POLN: variants seen among roughly 807,000 people sequenced by gnomAD.
POLN encodes the protein DNA polymerase nu.
In POLN, 108 loss-of-function variants were observed where a neutral mutation model predicts 113.5. The ratio of observed to expected loss-of-function variants is 0.95; its 90% confidence interval spans 0.81 to 1.12. The LOEUF is 1.12. Among genes scored for constraint, POLN ranks in the 50% most tolerant of loss-of-function variants. The pLI is 0.00. For synonymous variants in POLN, 386 were observed against 391.5 expected (o/e 0.99, Z 0.17); for missense variants, 1,097 against 1,077.1 (o/e 1.02, Z -0.26).
At chr4:2,085,796 G>A in intron 20 of POLN, 52 bp from the exon 21 acceptor site, 1 of 1,606,060 alleles carries the variant, frequency 6.2e-7, no homozygotes, top group Non-Finnish European at 8.5e-7. Flanking sequence ...AGCCGTGACT[G>A]TGTGCATGGG....
At chr4:2,090,497 T>A in intron 20 of POLN, 1 of 523,044 alleles carries the variant, frequency 1.9e-6, no homozygotes, top group Non-Finnish European at 3.6e-6. Flanking sequence ...TGTGAATAAA[T>A]AAACTGAGCA....
At chr4:2,240,223 C>A in intron 2 of POLN, 1 of 1,613,834 alleles carries the variant, frequency 6.2e-7, no homozygotes, top group Non-Finnish European at 8.5e-7. Flanking sequence ...GTCTGTATAT[C>A]TAAAAGTTGA....
At chr4:2,154,176 C>T (rs1185006991) in intron 16 of POLN, among the ~76,000 whole-genome samples, 19 of 108,234 alleles carry the variant, frequency 1.8e-4, no homozygotes, top group African/African-American at 6.5e-4. Flanking sequence ...CCAGCCTGGG[C>T]GACAGCGAGA....
At chr4:2,129,143 C>T (rs772858643) in intron 18 of POLN, 36 bp downstream of exon 18, 1 of 1,463,666 alleles carries the variant, frequency 6.8e-7, no homozygotes. Flanking sequence ...CCTTTGAACC[C>T]TATGAAAATG....
chr4:2,232,003 T>C, intron 2 of POLN: 1 of 1,504,072 alleles, frequency 6.6e-7, no homozygotes, highest in East Asian at 2.3e-5. Context: ...ATAATCTTCA[T>C]CTTTTAAAAA....
At chr4:2,110,638 AAAAG>A (rs1267314017) in intron 19 of POLN, among the ~76,000 whole-genome samples, 1 of 152,246 alleles carries the variant, frequency 6.6e-6, no homozygotes, top group African/African-American at 2.4e-5. Flanking sequence ...CAGAAAATCT[AAAAG>A]AAATGGATAA....
chr4:2,180,723 G>A (rs10023532), intron 7 of POLN, among the ~76,000 whole-genome samples: 37,490 of 152,038 alleles, frequency 0.25, 7,143 homozygotes, highest in African/African-American at 0.52. Flanking sequence ...ATCAACATAT[G>A]TTTTTTAAAA....
intron 13 of POLN, among the ~76,000 whole-genome samples, chr4:2,163,688 C>T (rs1275687024): frequency 6.6e-6 from 1 of 152,240 alleles, no homozygotes; most frequent in Non-Finnish European, 1.5e-5. Context: ...GACTAGGCTC[C>T]CCCGCCCAAT....
intron 10 of POLN, among the ~76,000 whole-genome samples, chr4:2,174,235 G>A (rs1732938964): frequency 6.6e-6 from 1 of 152,220 alleles, no homozygotes; most frequent in South Asian, 2.1e-4. Flanking sequence ...GGTGGGAGTG[G>A]GCGAGGGGAC....
intron 16 of POLN, among the ~76,000 whole-genome samples, chr4:2,154,177 G>T (rs1473747549): frequency 8.7e-6 from 1 of 114,600 alleles, no homozygotes; most frequent in Non-Finnish European, 1.6e-5. Context: ...CAGCCTGGGC[G>T]ACAGCGAGAC....
intron 3 of POLN, among the ~76,000 whole-genome samples, chr4:2,225,073 C>T (rs951885477): frequency 6.6e-6 from 1 of 151,922 alleles, no homozygotes; most frequent in Admixed American, 6.6e-5. Context: ...TACGGTCTGT[C>T]GTTGACCAAA....
At chr4:2,088,189 C>T (rs1730591995) in intron 20 of POLN, among the ~76,000 whole-genome samples, 1 of 152,056 alleles carries the variant, frequency 6.6e-6, no homozygotes, top group Non-Finnish European at 1.5e-5. Context: ...TCTCAAAGGT[C>T]AGGAATTTTA....
At chr4:2,219,156 G>A (rs998494209) in intron 3 of POLN, among the ~76,000 whole-genome samples, 6 of 152,138 alleles carry the variant, frequency 3.9e-5, no homozygotes, top group African/African-American at 1.4e-4. Flanking sequence ...CTTGGAAAAT[G>A]GCTTCGGAGT....
chr4:2,171,614 A>C (rs1030346023), intron 11 of POLN, among the ~76,000 whole-genome samples: 1 of 151,682 alleles, frequency 6.6e-6, no homozygotes, highest in Admixed American at 6.6e-5. Context: ...AAGAGTAATA[A>C]ATAACCTATA....
In POLN at chr4:2,215,538, A is replaced by G. The variant is rs75204476; in HGVS notation, c.134-2412T>C. Among the ~76,000 whole-genome samples, 162 of 152,138 alleles carry G rather than the reference A, an allele frequency of 1.1e-3. 1 individual carries two copies. In the East Asian group the frequency reaches 0.027, roughly 26 times the overall value. ...TGGGTCAAGACAGCTGGGCTTTTAT[A>G]CCCCTGCACAAACTAGTCACTGGAC... On this transcript the variant is annotated intron_variant, in intron 3 of 25. Coordinates refer to ENST00000511885, the MANE Select transcript of POLN (RefSeq NM_181808.4).
At chr4:2,237,777 A>G (rs539703292) in intron 2 of POLN, among the ~76,000 whole-genome samples, 2 of 152,256 alleles carry the variant, frequency 1.3e-5, no homozygotes, top group African/African-American at 2.4e-5. Context: ...TGTAAAATGT[A>G]AATAGTTACA....
At chr4:2,119,580 T>C (rs1731394425) in intron 19 of POLN, among the ~76,000 whole-genome samples, 1 of 152,180 alleles carries the variant, frequency 6.6e-6, no homozygotes. Flanking sequence ...CTAACTCCAT[T>C]TATATAAGCT....
intron 16 of POLN, among the ~76,000 whole-genome samples, chr4:2,141,601 A>G (rs1478214384): frequency 6.6e-6 from 1 of 152,304 alleles, no homozygotes; most frequent in Non-Finnish European, 1.5e-5. Flanking sequence ...TCCTCTGCCA[A>G]CTGGGCCCTG....
At chr4:2,186,803 G>A (rs565978667) in intron 7 of POLN, among the ~76,000 whole-genome samples, 263 of 152,284 alleles carry the variant, frequency 1.7e-3, no homozygotes, top group African/African-American at 6.0e-3. Flanking sequence ...ACAGGATGGC[G>A]ACAGTGAAGC....
Sources: allele counts gnomAD v4.1 joint callset (sites outside exome capture counted in the v4.1 genomes callset), GRCh38; gene constraint gnomAD v4.1.1; transcripts MANE v1.5; gene names NCBI Gene and HGNC (gene_info 2026-07-23, HGNC 2026-07-21).